The following TNRC6B variants were observed in gnomAD, a reference collection of about 807,000 sequenced individuals.
TNRC6B encodes trinucleotide repeat-containing gene 6B protein.
In TNRC6B, 52 loss-of-function variants were observed where a neutral mutation model predicts 203.6. The observed-to-expected ratio is 0.26, with a 90% CI of 0.20 to 0.32. TNRC6B has a LOEUF of 0.32. Ranked by LOEUF, TNRC6B falls within the 10% of genes least tolerant of loss-of-function variation. The pLI, the probability that TNRC6B is intolerant of heterozygous loss-of-function variation, is 1.00. For missense variants in TNRC6B, 1,923 were observed against 2,286.2 expected (o/e 0.84, Z 3.24); for synonymous variants, 838 against 845.7 (o/e 0.99, Z 0.16).
intron 4 of TNRC6B, among the ~76,000 whole-genome samples, chr22:40,164,020 G>A (rs550203221): frequency 2.6e-5 from 4 of 152,066 alleles, no homozygotes; most frequent in Non-Finnish European, 5.9e-5. Context: ...AGTTCCCATC[G>A]ACTGTTAAGA....
In TNRC6B at chr22:40,331,920, G is replaced by A; in HGVS notation, c.*8679G>A. The A allele has an allele frequency of 3.3e-6, 1 of 301,906 alleles. No individual in the cohort carries two copies. The highest frequency in any genetic ancestry group is 6.1e-6 in the Non-Finnish European group (1 of 163,630). The allele number at this position is 301,906 out of a possible 1,614,324, so 18.7% of individuals were successfully genotyped here. On this transcript the variant is annotated 3_prime_UTR_variant, in exon 23 of 23. Coordinates refer to ENST00000454349, the MANE Select transcript of TNRC6B (RefSeq NM_001162501.2). ...TCTGAGTCCTCTTGCCACTGTTGCT[G>A]GCAGGTCTGATGGCCAGGTAAATTC... is the stretch of plus-strand genomic sequence containing the variant.
chr22:40,156,189 C>A (rs1422201228), intron 4 of TNRC6B: 6 of 1,564,892 alleles, frequency 3.8e-6, no homozygotes, highest in South Asian at 2.4e-5. Flanking sequence ...AACAGTGAGT[C>A]ACAGTTTATT....
intron 1 of TNRC6B, among the ~76,000 whole-genome samples, chr22:40,107,324 C>G (rs1472015766): frequency 6.6e-6 from 1 of 152,118 alleles, no homozygotes; most frequent in African/African-American, 2.4e-5. Context: ...TATTAGTACT[C>G]CTCTGCCTTT....
intron 1 of TNRC6B, among the ~76,000 whole-genome samples, chr22:40,094,874 TGAGAG>T (rs1172959310): frequency 6.6e-6 from 1 of 152,236 alleles, no homozygotes; most frequent in Non-Finnish European, 1.5e-5. Context: ...TGCATGTAGT[TGAGAG>T]GAGATTTTTG....
At chr22:40,284,237 G>A (rs1035632565) in intron 11 of TNRC6B, among the ~76,000 whole-genome samples, 1 of 152,150 alleles carries the variant, frequency 6.6e-6, no homozygotes, top group Non-Finnish European at 1.5e-5. Context: ...TTGCCATTTC[G>A]ACTTTATGTT....
chr22:40,274,181 G>C (rs1481369128), intron 7 of TNRC6B, among the ~76,000 whole-genome samples: 1 of 151,896 alleles, frequency 6.6e-6, no homozygotes, highest in African/African-American at 2.4e-5. Context: ...TCTTTTGGAG[G>C]CTCTCAAGGC....
At chr22:40,126,508 C>G (rs1031555955) in intron 3 of TNRC6B, among the ~76,000 whole-genome samples, 3 of 146,494 alleles carry the variant, frequency 2.0e-5, no homozygotes, top group Non-Finnish European at 4.5e-5. Context: ...ATTTGGTTTT[C>G]TGTTTCTGTG....
At chr22:40,209,208 T>C (rs767067387) in intron 1 of TNRC6B, among the ~76,000 whole-genome samples, 1 of 152,218 alleles carries the variant, frequency 6.6e-6, no homozygotes, top group Non-Finnish European at 1.5e-5. Context: ...AATAATTGGC[T>C]AAGAGAGTCC....
At chr22:40,318,355 G>T (rs1362221316) in intron 21 of TNRC6B, among the ~76,000 whole-genome samples, 1 of 152,046 alleles carries the variant, frequency 6.6e-6, no homozygotes, top group Non-Finnish European at 1.5e-5. Context: ...AGACCATCCT[G>T]GCTAACATGG....
chr22:40,197,609 T>C (rs2069358477), intron 1 of TNRC6B, among the ~76,000 whole-genome samples: 1 of 148,604 alleles, frequency 6.7e-6, no homozygotes. Context: ...TCTTTTTCTT[T>C]TTTTTTTTTT....
chr22:40,286,422 G>A (rs1005467355), intron 12 of TNRC6B, among the ~76,000 whole-genome samples: 2 of 152,066 alleles, frequency 1.3e-5, no homozygotes, highest in Non-Finnish European at 2.9e-5. Context: ...CAGTAGAATC[G>A]CTTGTACCCA....
At chr22:40,161,257 C>A (rs1181434343) in intron 4 of TNRC6B, among the ~76,000 whole-genome samples, 2 of 152,144 alleles carry the variant, frequency 1.3e-5, no homozygotes, top group Non-Finnish European at 2.9e-5. Context: ...TTAATTGATT[C>A]ACTACTCAGT....
intron 1 of TNRC6B, among the ~76,000 whole-genome samples, chr22:40,245,607 A>G (rs760668947): frequency 1.3e-5 from 2 of 152,196 alleles, no homozygotes; most frequent in Non-Finnish European, 2.9e-5. Flanking sequence ...CATATGTACC[A>G]TAATTGAGTT....
intron 1 of TNRC6B, among the ~76,000 whole-genome samples, chr22:40,226,858 G>A (rs1016311255): frequency 2.0e-5 from 3 of 152,150 alleles, no homozygotes; most frequent in African/African-American, 7.2e-5. Context: ...GCTCTTAGTT[G>A]AGTGCTCACC....
chr22:40,242,284 CTA>C (rs1210517031), intron 1 of TNRC6B, among the ~76,000 whole-genome samples: 1 of 151,936 alleles, frequency 6.6e-6, no homozygotes, highest in Non-Finnish European at 1.5e-5. Flanking sequence ...TTTATTGTGT[CTA>C]TATATATTGG....
intron 1 of TNRC6B, among the ~76,000 whole-genome samples, chr22:40,209,208 T>A (rs767067387): frequency 6.6e-6 from 1 of 152,218 alleles, no homozygotes; most frequent in African/African-American, 2.4e-5. Flanking sequence ...AATAATTGGC[T>A]AAGAGAGTCC....
intron 2 of TNRC6B, chr22:40,125,732 C>A: frequency 6.6e-7 from 1 of 1,505,100 alleles, no homozygotes; most frequent in South Asian, 1.3e-5. Flanking sequence ...TTTTTTTGCC[C>A]TGAATTCCTT....
intron 4 of TNRC6B, among the ~76,000 whole-genome samples, chr22:40,172,406 A>T (rs1415310122): frequency 6.6e-6 from 1 of 152,238 alleles, no homozygotes; most frequent in Non-Finnish European, 1.5e-5. Context: ...TAGGGAAAGT[A>T]CTTAGTACAT....
At chr22:40,112,507 T>C (rs73428250) in intron 1 of TNRC6B, among the ~76,000 whole-genome samples, 14 of 152,196 alleles carry the variant, frequency 9.2e-5, no homozygotes, top group Non-Finnish European at 1.5e-4. Context: ...CGACACAGCC[T>C]GGATACCAGG....
Sources: allele counts gnomAD v4.1 joint callset (sites outside exome capture counted in the v4.1 genomes callset), GRCh38; gene constraint gnomAD v4.1.1; transcripts MANE v1.5; gene names NCBI Gene and HGNC (gene_info 2026-07-23, HGNC 2026-07-21).